The following C8B variants were observed in gnomAD, a reference collection of about 807,000 sequenced individuals.
C8B encodes complement component C8 beta chain.
In C8B, 67 loss-of-function variants were observed where a neutral mutation model predicts 64.6. The ratio of observed to expected loss-of-function variants is 1.04; its 90% CI spans 0.85 to 1.27. The LOEUF (loss-of-function observed/expected upper bound fraction) is 1.27. C8B is among the 50% of genes most tolerant of loss of function. The pLI is 0.00. For synonymous variants in C8B, 284 were observed against 257.7 expected (o/e 1.10, Z -0.98); for missense variants, 790 against 725.2 (o/e 1.09, Z -1.03).
At position 56,960,033 on chromosome 1, in the gene C8B, CAG is replaced by C. The variant is rs1388162299; in HGVS notation, c.234_235del (p.Cys79SerfsTer25). 1 of 1,614,146 alleles carries C rather than the reference CAG, an allele frequency of 6.2e-7. No individual in the cohort carries two copies. Among genetic ancestry groups the C allele is most frequent in the East Asian group, 2.2e-5 (1 of 44,870 alleles). On this transcript the variant is annotated frameshift_variant, in exon 2 of 12. Coordinates refer to ENST00000371237, the MANE Select transcript of C8B (RefSeq NM_000066.4). LOFTEE classifies it high-confidence loss of function. Reference sequence around the variant, plus strand: ...CTGGTTGCTTACCCTTTTCTTCTGACAGGGGTCACATGTGGTCCAAGAGGACC... The same window carrying C: ...CTGGTTGCTTACCCTTTTCTTCTGACGGGTCACATGTGGTCCAAGAGGACC...
Position 56,965,971 on chromosome 1 carries a change from C to A in C8B, c.-23G>T, listed in dbSNP as rs998441000. ...CATTTTCCCAATGTGACAGGAGATG[C>A]CACAGAGGCTGCTAGACCCATAACA... On this transcript the variant is annotated 5_prime_UTR_variant, in exon 1 of 12. Transcript: ENST00000371237. The A allele has an allele frequency of 1.9e-6, 3 of 1,613,240 alleles. No individual in the cohort carries two copies. In the East Asian group the frequency reaches 6.7e-5, roughly 36 times the overall value.
chr1:56,933,927 T>C (rs1054458248), intron 9 of C8B, among the ~76,000 whole-genome samples: 1 of 152,086 alleles, frequency 6.6e-6, no homozygotes, highest in African/African-American at 2.4e-5. Flanking sequence ...CCAGCAGCTC[T>C]TTGGAAGGAT....
At chr1:56,929,987 G>C (rs1644675616) in intron 11 of C8B, among the ~76,000 whole-genome samples, 1 of 152,026 alleles carries the variant, frequency 6.6e-6, no homozygotes, top group Admixed American at 6.6e-5. Flanking sequence ...AATGATATTG[G>C]CCTTCCTTTC....
At chr1:56,963,907 C>T (rs1323438082) in intron 1 of C8B, 5 of 985,266 alleles carry the variant, frequency 5.1e-6, no homozygotes, top group Non-Finnish European at 6.0e-6. Flanking sequence ...GAACAAAAAA[C>T]TCTTTTGGCC....
intron 6 of C8B, among the ~76,000 whole-genome samples, chr1:56,946,934 C>T (rs1644951711): frequency 6.6e-6 from 1 of 152,198 alleles, no homozygotes; most frequent in Admixed American, 6.5e-5. Context: ...CATTTTGTCT[C>T]CTAGCTTGCT....
chr1:56,944,144 G>C (rs1255598318), intron 7 of C8B, among the ~76,000 whole-genome samples: 1 of 152,178 alleles, frequency 6.6e-6, no homozygotes, highest in Non-Finnish European at 1.5e-5. Context: ...GATAGATCCA[G>C]TGAGTACAGT....
chr1:56,940,156 T>C (rs1211641548), intron 9 of C8B, among the ~76,000 whole-genome samples: 1 of 152,140 alleles, frequency 6.6e-6, no homozygotes, highest in African/African-American at 2.4e-5. Context: ...ATGCATAATG[T>C]TTAAATGAAT....
Position 56,929,294 on chromosome 1 carries a change from C to T in C8B, c.*110G>A. 1 of 1,096,882 alleles carries T rather than the reference C, an allele frequency of 9.1e-7. No individual in the cohort carries two copies. Among genetic ancestry groups the T allele is most frequent in the Non-Finnish European group, 1.4e-6 (1 of 710,718 alleles). The allele number at this position is 1,096,882 out of a possible 1,614,324, so 67.9% of individuals were successfully genotyped here. A position where few individuals can be genotyped will look rare whatever the true frequency, so the allele number is the denominator to read the frequency against. ...ATTTTAAACAGCTTGCATGGCACTGCCTTTTGCCCTTGCATGAACTCCAGG... is the reference window on the plus strand; with the variant it reads ...ATTTTAAACAGCTTGCATGGCACTGTCTTTTGCCCTTGCATGAACTCCAGG... On this transcript the variant is annotated 3_prime_UTR_variant, in exon 12 of 12. Transcript: ENST00000371237.
intron 9 of C8B, among the ~76,000 whole-genome samples, chr1:56,939,120 A>T (rs925031049): frequency 6.6e-6 from 1 of 152,148 alleles, no homozygotes; most frequent in Non-Finnish European, 1.5e-5. Context: ...TGACCAGGGA[A>T]TTCATTTGGT....
rs747985739 is a variant in C8B, at chr1:56,952,031, A to G, written c.666+17T>C. The stretch of plus-strand genomic sequence containing the variant: ...CTCAGCTGGGGCTCCCTCCACTGCT[A>G]CCTGGCTGTCTCTTACCTGTGGCGT... On this transcript the variant is annotated intron_variant, in intron 5 of 11. Transcript: ENST00000371237. 4 of 1,613,522 alleles carry G rather than the reference A, an allele frequency of 2.5e-6. No homozygotes were observed. The South Asian group carries it at 3.3e-5, about 13-fold the overall frequency.
chr1:56,944,811 C>T (rs1644917528), intron 7 of C8B, among the ~76,000 whole-genome samples: 1 of 152,184 alleles, frequency 6.6e-6, no homozygotes, highest in African/African-American at 2.4e-5. Context: ...ACCACGTGTC[C>T]TCTTGCAAGT....
At chr1:56,945,768 T>C in intron 7 of C8B, 53 bp downstream of exon 7, 3 of 1,611,662 alleles carry the variant, frequency 1.9e-6, no homozygotes, top group Non-Finnish European at 1.7e-6. Context: ...CAAGTTCAAC[T>C]TATGACTCTT....
Position 56,943,742 on chromosome 1 carries a change from C to T in C8B, c.1188G>A (p.Leu396=). 6.2e-7 allele frequency: 1 copy of T among 1,614,154 alleles called. No individual in the cohort carries two copies. Among genetic ancestry groups the T allele is most frequent in the Non-Finnish European group, 8.5e-7 (1 of 1,180,010 alleles). The change falls in exon 8 of 12, where the codon CTG becomes CTA. Residue 396 remains leucine (L), a synonymous_variant. Transcript: ENST00000371237. The part of the protein sequence containing the change: ...GGAIEEVYVS[L]GVSVGKCRGI... ...CTCTGCATTTGCCTACAGACACACC[C>T]AGACTGACGTAGACCTCTTCAATGG... is the stretch of plus-strand genomic sequence containing the variant.
chr1:56,963,189 G>T (rs2101474319), intron 1 of C8B, among the ~76,000 whole-genome samples: 1 of 152,192 alleles, frequency 6.6e-6, no homozygotes, highest in East Asian at 1.9e-4. Flanking sequence ...CTGGGCCCAG[G>T]TCTCCCACTC....
At chr1:56,943,855 G>A (rs200446094) in intron 7 of C8B, 31 bp from the exon 8 acceptor site, 34 of 1,612,136 alleles carry the variant, frequency 2.1e-5, no homozygotes, top group South Asian at 7.7e-5. Flanking sequence ...GGTCCATGAC[G>A]TAAAAGGTAG....
intron 9 of C8B, among the ~76,000 whole-genome samples, chr1:56,936,309 T>C (rs594661): frequency 0.94 from 143,386 of 152,292 alleles, 67,618 homozygotes; most frequent in East Asian, 1. Flanking sequence ...ACAGTCAATG[T>C]CATTGAGTAT....
chr1:56,962,738 T>TC (rs1003384684), intron 1 of C8B, among the ~76,000 whole-genome samples: 3 of 152,150 alleles, frequency 2.0e-5, no homozygotes, highest in African/African-American at 7.2e-5. Context: ...TCGATTTTGC[T>TC]CCCCCCACCT....
At position 56,929,444 on chromosome 1, in the gene C8B, G is replaced by A. The variant is rs137987282; in HGVS notation, c.1736C>T (p.Pro579Leu). ...NNPPPQNGGSPCSGPASETLD... is the reference protein window; with the variant it reads ...NNPPPQNGGSLCSGPASETLD... ...TGTTTCTGAAGCAGGGCCTGAACAG[G>A]GGCTACCCCCATTTTGAGGAGGTGG... Residue 579 changes from proline to leucine, a missense_variant, in exon 12 of 12, where the codon CCC becomes CTC. Pro to Leu is a moderately conservative substitution (Grantham distance 98). Coordinates refer to ENST00000371237, the MANE Select transcript of C8B (RefSeq NM_000066.4). The A allele has an allele frequency of 1.2e-6, 2 of 1,612,504 alleles. No homozygotes were observed. Among genetic ancestry groups the A allele is most frequent in the East Asian group, 2.2e-5 (1 of 44,858 alleles).
In C8B at chr1:56,932,246, C is replaced by A. The variant is rs569784694; in HGVS notation, c.1553-368G>T. On this transcript the variant is annotated intron_variant, in intron 10 of 11. Transcript: ENST00000371237. ...TTGCCTAGCTTAGACTTGAATACCT[C>A]GAGGATGGGGAACTCATTACTCTTA... Among the ~76,000 whole-genome samples, 8 of 152,254 alleles carry A rather than the reference C, an allele frequency of 5.3e-5. No individual in the cohort carries two copies. The East Asian group carries it at 9.7e-4, about 18-fold the overall frequency.
Sources: gnomAD v4.1 joint callset for allele counts (sites outside exome capture counted in the v4.1 genomes callset) on GRCh38, gnomAD v4.1.1 for gene constraint, MANE v1.5 for transcripts, NCBI Gene and HGNC (gene_info 2026-07-23, HGNC 2026-07-21) for gene names.